ZSCAN29: variants seen among roughly 807,000 people sequenced by gnomAD.
ZSCAN29 encodes the protein zinc finger and SCAN domain containing 29.
ZSCAN29 carries 55 observed loss-of-function variants against 71.9 expected under a neutral mutation model. That is an observed-to-expected ratio of 0.76 (90% CI 0.62 to 0.96). The LOEUF (loss-of-function observed/expected upper bound fraction) is 0.96. Among genes scored for constraint, ZSCAN29 ranks in the 40% least tolerant of loss-of-function variants. The pLI, the probability that ZSCAN29 is intolerant of heterozygous loss-of-function variation, is 0.00. For synonymous variants in ZSCAN29, 351 were observed against 371.6 expected (o/e 0.94, Z 0.64); for missense variants, 1,042 against 1,042.2 (o/e 1.00, Z 0.00).
rs1413579364 is a variant in ZSCAN29 at position 43,366,414 on chromosome 15, C to T, written c.918G>A (p.Gln306=). ...CGCTCTTGACTTTCCGATAGCTCTT[C>T]TGGAGACCTTTGAACTTGGTCCGAC... ...EQCRTKFKGL[Q]KSYRKVKSGH... The change falls in exon 4 of 6, where the codon CAG becomes CAA. Residue 306 remains glutamine (Q), a synonymous_variant. Coordinates refer to ENST00000684362, the MANE Select transcript of ZSCAN29 (RefSeq NM_001372080.1). 6.2e-7 allele frequency: 1 copy of T among 1,614,200 alleles called. No individual in the cohort carries two copies.
In ZSCAN29 at chr15:43,361,017, A is replaced by T; in HGVS notation, c.*56T>A. The T allele has an allele frequency of 6.6e-7, 1 of 1,517,504 alleles. No homozygotes were observed. Among genetic ancestry groups the T allele is most frequent in the Non-Finnish European group, 8.8e-7 (1 of 1,133,716 alleles). The allele number at this position is 1,517,504 out of a possible 1,614,324, so 94.0% of individuals were successfully genotyped here. A position where few individuals can be genotyped will look rare whatever the true frequency, so the allele number is the denominator to read the frequency against. On this transcript the variant is annotated 3_prime_UTR_variant, in exon 6 of 6. Coordinates refer to ENST00000684362, the MANE Select transcript of ZSCAN29 (RefSeq NM_001372080.1). ...ATAGTAGATGAATCTCACTATTGGA[A>T]GACTTTCTAAACAATACATTTATTG... is the stretch of plus-strand genomic sequence containing the variant.
At position 43,359,480 on chromosome 15, in the gene ZSCAN29, G is replaced by C. The variant is rs2043960736; in HGVS notation, c.*1593C>G. ...GTATTCAGTTGAATGTGTATGTCTA[G>C]ATTGGCAGCTCCACTGGCCAAAGAT... On this transcript the variant is annotated 3_prime_UTR_variant, in exon 6 of 6. Coordinates refer to ENST00000684362, the MANE Select transcript of ZSCAN29 (RefSeq NM_001372080.1). 6.6e-6 allele frequency: 1 copy of C among 152,240 alleles called. No individual in the cohort carries two copies. Among genetic ancestry groups the C allele is most frequent in the Non-Finnish European group, 1.5e-5 (1 of 68,042 alleles). 9.4% of individuals were successfully genotyped at this position (152,240 alleles called of 1,614,324 possible). A position where few individuals can be genotyped will look rare whatever the true frequency, so the allele number is the denominator to read the frequency against.
At position 43,358,766 on chromosome 15, in the gene ZSCAN29, C is replaced by T. The variant is rs547085042; in HGVS notation, c.*2307G>A. On this transcript the variant is annotated 3_prime_UTR_variant, in exon 6 of 6. Transcript: ENST00000684362. ...TTTATCTCCCATAGGAGCTAGTCCCCTAAAACTGCTTATTCTTTCAGTGGC... is the reference window on the plus strand; with the variant it reads ...TTTATCTCCCATAGGAGCTAGTCCCTTAAAACTGCTTATTCTTTCAGTGGC... The T allele has an allele frequency of 6.6e-6, 1 of 152,330 alleles. No homozygotes were observed. Among genetic ancestry groups the T allele is most frequent in the South Asian group, 2.1e-4 (1 of 4,828 alleles). 9.4% of individuals were successfully genotyped at this position (152,330 alleles called of 1,614,324 possible).
chr15:43,362,030 C>G, intron 5 of ZSCAN29, 89 bp from the exon 6 acceptor site: 1 of 1,356,310 alleles, frequency 7.4e-7, no homozygotes, highest in Non-Finnish European at 9.9e-7. Flanking sequence ...AAGCATTACA[C>G]CACATGATTA....
In ZSCAN29 at chr15:43,364,125, C is replaced by T. The variant is rs750133880; in HGVS notation, c.1480G>A (p.Val494Met). 1 of 1,614,066 alleles carries T rather than the reference C, an allele frequency of 6.2e-7. No individual in the cohort carries two copies. The highest frequency in any genetic ancestry group is 8.5e-7 in the Non-Finnish European group (1 of 1,180,056). ...CPFFEEMDAL[V>M]SVRVAAPPND... ...GGTGGGGCAGCAACCCGGACACTCA[C>T]CAAAGCATCCATCTCTTCAAAGAAG... Residue 494 changes from valine to methionine, a missense_variant, in exon 5 of 6, where the codon GTG (valine) becomes ATG (methionine). Val to Met is a conservative substitution (Grantham distance 21). Coordinates refer to ENST00000684362, the MANE Select transcript of ZSCAN29 (RefSeq NM_001372080.1).
At chr15:43,369,403 T>A (rs924903961) in intron 2 of ZSCAN29, 193 bp downstream of exon 2, 3 of 637,562 alleles carry the variant, frequency 4.7e-6, no homozygotes, top group Non-Finnish European at 7.7e-6. Flanking sequence ...AAAAACTCAT[T>A]ATGACAGGGT....
At chr15:43,364,513 A>ACAAG in intron 4 of ZSCAN29, 131 bp from the exon 5 acceptor site, 1 of 867,018 alleles carries the variant, frequency 1.2e-6, no homozygotes. Context: ...AAAATACTTC[A>ACAAG]TGTTTCCAAA....
In ZSCAN29 at chr15:43,358,243, T is replaced by C. The variant is rs1258129636; in HGVS notation, c.*2830A>G. ...GATTAGGTGTAAACATTATTTTGCTTTACAGAAAGGGAAATGGAGGCAGGT... is the reference window on the plus strand; with the variant it reads ...GATTAGGTGTAAACATTATTTTGCTCTACAGAAAGGGAAATGGAGGCAGGT... On this transcript the variant is annotated 3_prime_UTR_variant, in exon 6 of 6. Transcript: ENST00000684362. 1.2e-4 allele frequency: 18 copies of C among 152,624 alleles called. No homozygotes were observed. The allele number at this position is 152,624 out of a possible 1,614,324, so 9.5% of individuals were successfully genotyped here.
intron 5 of ZSCAN29, among the ~76,000 whole-genome samples, chr15:43,363,141 C>G (rs2043999602): frequency 6.6e-6 from 1 of 152,110 alleles, no homozygotes; most frequent in Non-Finnish European, 1.5e-5. Flanking sequence ...CCACCCCTGG[C>G]TAATTTTTTG....
At position 43,358,180 on chromosome 15, in the gene ZSCAN29, AGACATG is replaced by A; in HGVS notation, c.*2887_*2892del. On this transcript the variant is annotated 3_prime_UTR_variant, in exon 6 of 6. Coordinates refer to ENST00000684362, the MANE Select transcript of ZSCAN29 (RefSeq NM_001372080.1). ...CTTCAAGAAACACCAGGCACTTTAT[AGACATG>A]ATTTTTATTAATATGGTATCCCTGA... 1 of 152,710 alleles carries A rather than the reference AGACATG, an allele frequency of 6.5e-6. No individual in the cohort carries two copies. The highest frequency in any genetic ancestry group is 2.4e-5 in the African/African-American group (1 of 41,562). 9.5% of individuals were successfully genotyped at this position (152,710 alleles called of 1,614,324 possible).
chr15:43,370,057 G>C, intron 1 of ZSCAN29, 32 bp from the exon 2 acceptor site: 1 of 844,278 alleles, frequency 1.2e-6, no homozygotes, highest in Non-Finnish European at 1.8e-6. Flanking sequence ...CTATCAGAAG[G>C]AATACATTCA....
chr15:43,365,686 A>G (rs920659028), intron 4 of ZSCAN29, among the ~76,000 whole-genome samples: 1 of 152,238 alleles, frequency 6.6e-6, no homozygotes, highest in Non-Finnish European at 1.5e-5. Flanking sequence ...CGAATATAAT[A>G]AACTGACTTT....
At position 43,361,215 on chromosome 15, in the gene ZSCAN29, CG is replaced by C; in HGVS notation, c.2416del (p.Arg806ValfsTer41). On this transcript the variant is annotated frameshift_variant, in exon 6 of 6. Coordinates refer to ENST00000684362, the MANE Select transcript of ZSCAN29 (RefSeq NM_001372080.1). LOFTEE classifies it high-confidence loss of function. ...GKSFSKSSDL[R>X]AHHRTHTGEK... The stretch of plus-strand genomic sequence containing the variant: ...TCCTGTGTGGGTTCTATGATGTGCA[CG>C]TAAGTCAGAACTCTTACTGAAACTC... 1.9e-6 allele frequency: 3 copies of C among 1,613,484 alleles called. No homozygotes were observed. Among genetic ancestry groups the C allele is most frequent in the Non-Finnish European group, 2.5e-6 (3 of 1,179,894 alleles).
rs1055070219 is a variant in ZSCAN29, at chr15:43,359,968, A to G, written c.*1105T>C. The G allele has an allele frequency of 5.9e-5, 9 of 152,210 alleles. No homozygotes were observed. Among genetic ancestry groups the G allele is most frequent in the African/African-American group, 2.2e-4 (9 of 41,460 alleles). 9.4% of individuals were successfully genotyped at this position (152,210 alleles called of 1,614,324 possible). ...AAACTCTCCTTCTTTAAGGTAAATG[A>G]AGAGGGTGCCTGACAAATATGTCAT... On this transcript the variant is annotated 3_prime_UTR_variant, in exon 6 of 6. Coordinates refer to ENST00000684362, the MANE Select transcript of ZSCAN29 (RefSeq NM_001372080.1).
chr15:43,361,988 T>C (rs1387920513), intron 5 of ZSCAN29, 47 bp from the exon 6 acceptor site: 2 of 1,552,466 alleles, frequency 1.3e-6, no homozygotes, highest in African/African-American at 2.7e-5. Flanking sequence ...CTTAATCATA[T>C]GTGCCACAGG....
chr15:43,363,860 T>C, intron 5 of ZSCAN29, 55 bp downstream of exon 5: 2 of 1,494,930 alleles, frequency 1.3e-6, no homozygotes, highest in Non-Finnish European at 1.8e-6. Flanking sequence ...ATATTTTTCC[T>C]AAGTCCCATT....
At position 43,369,947 on chromosome 15, in the gene ZSCAN29, G is replaced by C; in HGVS notation, c.-34C>G. On this transcript the variant is annotated 5_prime_UTR_variant, in exon 2 of 6. Coordinates refer to ENST00000684362, the MANE Select transcript of ZSCAN29 (RefSeq NM_001372080.1). Reference sequence around the variant, plus strand: ...GAATGCAGCTTCCCTTCGCTTAGGAGTCTGGGTTCCAGGGCTTACATCTAT... The same window carrying C: ...GAATGCAGCTTCCCTTCGCTTAGGACTCTGGGTTCCAGGGCTTACATCTAT... 6.4e-7 allele frequency: 1 copy of C among 1,555,264 alleles called. No homozygotes were observed. The highest frequency in any genetic ancestry group is 8.7e-7 in the Non-Finnish European group (1 of 1,154,596).
chr15:43,368,525 C>CAAA (rs759913932), intron 3 of ZSCAN29, among the ~76,000 whole-genome samples: 309 of 10,312 alleles, frequency 0.03, 9 homozygotes, highest in Admixed American at 0.042. Context: ...GACTCCGTCT[C>CAAA]AAAAAAAAAA....
chr15:43,367,178 G>A (rs1402003271), intron 3 of ZSCAN29, among the ~76,000 whole-genome samples: 1 of 152,172 alleles, frequency 6.6e-6, no homozygotes, highest in African/African-American at 2.4e-5. Context: ...AGAGAAGATT[G>A]TCTTTACCTT....
Sources: allele counts gnomAD v4.1 joint callset (sites outside exome capture counted in the v4.1 genomes callset), GRCh38; gene constraint gnomAD v4.1.1; transcripts MANE v1.5; gene names NCBI Gene and HGNC (gene_info 2026-07-23, HGNC 2026-07-21).